DOCK4: variants seen among roughly 807,000 people sequenced by gnomAD.
DOCK4 encodes dedicator of cytokinesis 4.
In DOCK4, 97 loss-of-function variants were observed where a neutral mutation model predicts 268.1. The ratio of observed to expected loss-of-function variants is 0.36; its 90% CI spans 0.31 to 0.43. The LOEUF (loss-of-function observed/expected upper bound fraction) is 0.43. Ranked by LOEUF, DOCK4 falls within the 20% of genes least tolerant of loss-of-function variation. The pLI is 1.00. For missense variants in DOCK4, 2,145 were observed against 2,455.7 expected (o/e 0.87, Z 2.67); for synonymous variants, 954 against 887.2 (o/e 1.08, Z -1.34).
At chr7:112,181,816 T>C (rs1819072893) in intron 1 of DOCK4, among the ~76,000 whole-genome samples, 1 of 152,028 alleles carries the variant, frequency 6.6e-6, no homozygotes, top group Admixed American at 6.5e-5. Context: ...TCTCACAGAA[T>C]AAAGGAAAAT....
intron 8 of DOCK4, among the ~76,000 whole-genome samples, chr7:111,950,244 G>C (rs1241969949): frequency 6.6e-6 from 1 of 152,168 alleles, no homozygotes; most frequent in Admixed American, 6.6e-5. Flanking sequence ...TTGCATTCTG[G>C]CACATCTTCT....
chr7:111,969,433 T>TA (rs199647856), intron 8 of DOCK4, among the ~76,000 whole-genome samples: 1,620 of 134,700 alleles, frequency 0.012, 31 homozygotes, highest in African/African-American at 0.05. Context: ...TTTTTTCTAT[T>TA]AAAAAAACAA....
Position 111,737,008 on chromosome 7 carries a change from T to G in DOCK4, c.5233-19A>C. ...GCATCCTCTGCAAAGTTACAAGGGT[T>G]GATTTTTATGATGTGATATACGGGC... is the stretch of plus-strand genomic sequence containing the variant. On this transcript the variant is annotated intron_variant, in intron 49 of 52. Coordinates refer to ENST00000428084, the MANE Select transcript of DOCK4 (RefSeq NM_001363540.2). The G allele has an allele frequency of 6.3e-7, 1 of 1,592,316 alleles. No individual in the cohort carries two copies. The highest frequency in any genetic ancestry group is 1.1e-5 in the South Asian group (1 of 87,602).
In DOCK4 at chr7:111,739,184, TTGG is replaced by T. The variant is rs756509239; in HGVS notation, c.5179_5181del (p.Pro1727del). 2.5e-6 allele frequency: 4 copies of T among 1,614,010 alleles called. No homozygotes were observed. The highest frequency in any genetic ancestry group is 2.5e-6 in the Non-Finnish European group (3 of 1,179,896). On this transcript the variant is annotated inframe_deletion, in exon 49 of 53. Coordinates refer to ENST00000428084, the MANE Select transcript of DOCK4 (RefSeq NM_001363540.2). ...TAGATGGCACTGCATGGTCTCTCTC[TTGG>T]TGACAGGCAAGAGTTTTCTCGGGAA... is the stretch of plus-strand genomic sequence containing the variant.
intron 1 of DOCK4, among the ~76,000 whole-genome samples, chr7:112,064,063 T>C (rs1349226488): frequency 1.3e-5 from 2 of 152,154 alleles, no homozygotes; most frequent in East Asian, 3.9e-4. Flanking sequence ...AAATTAACTA[T>C]GTAAGGAACC....
chr7:112,199,018 T>A (rs777342736), intron 1 of DOCK4, among the ~76,000 whole-genome samples: 2 of 152,212 alleles, frequency 1.3e-5, no homozygotes, highest in Non-Finnish European at 2.9e-5. Flanking sequence ...ATTTATTTTG[T>A]CACATAAACT....
Position 111,868,277 on chromosome 7 carries a change from G to A in DOCK4, c.2110-123C>T, listed in dbSNP as rs1806137402. On this transcript the variant is annotated intron_variant, in intron 21 of 52. Coordinates refer to ENST00000428084, the MANE Select transcript of DOCK4 (RefSeq NM_001363540.2). ...TTACATTATTCATGTAGACACCAAG[G>A]CCTTGTGAGGCTTTTTTGAACAGTA... 9.4e-6 allele frequency: 6 copies of A among 634,986 alleles called. No individual in the cohort carries two copies. The South Asian group carries it at 1.9e-4, about 20-fold the overall frequency. The allele number at this position is 634,986 out of a possible 1,614,324, so 39.3% of individuals were successfully genotyped here. A position where few individuals can be genotyped will look rare whatever the true frequency, so the allele number is the denominator to read the frequency against.
chr7:111,852,441 A>T (rs1804653190), intron 23 of DOCK4, among the ~76,000 whole-genome samples: 1 of 152,090 alleles, frequency 6.6e-6, no homozygotes, highest in South Asian at 2.1e-4. Flanking sequence ...TTCTTTAAAC[A>T]GTAAGCCTCA....
chr7:111,977,900 G>A (rs148787929), intron 7 of DOCK4, among the ~76,000 whole-genome samples: 2 of 152,334 alleles, frequency 1.3e-5, no homozygotes, highest in African/African-American at 4.8e-5. Context: ...GCTAAGAATA[G>A]CATCTATGTC....
At position 111,747,247 on chromosome 7, in the gene DOCK4, C is replaced by A. The variant is rs191634733; in HGVS notation, c.4593+20G>T. On this transcript the variant is annotated intron_variant, in intron 43 of 52. Transcript: ENST00000428084. ...TCACAATTGAAAACTTTCTCTGAAA[C>A]AACAATACCTAATCCTTACCTCTTG... 6.3e-7 allele frequency: 1 copy of A among 1,598,500 alleles called. No homozygotes were observed. Among genetic ancestry groups the A allele is most frequent in the Non-Finnish European group, 8.5e-7 (1 of 1,172,616 alleles).
At chr7:112,014,135 TGTTGA>T (rs1467706597) in intron 1 of DOCK4, among the ~76,000 whole-genome samples, 5 of 152,218 alleles carry the variant, frequency 3.3e-5, no homozygotes, top group South Asian at 2.1e-4. Flanking sequence ...TTTGCACTGG[TGTTGA>T]GTTATTAAGT....
chr7:112,103,938 C>T (rs1810915711), intron 1 of DOCK4, among the ~76,000 whole-genome samples: 1 of 151,362 alleles, frequency 6.6e-6, no homozygotes, highest in Non-Finnish European at 1.5e-5. Context: ...AAGAATAATC[C>T]TCAATAATTT....
chr7:112,174,679 G>A (rs377039597), intron 1 of DOCK4, among the ~76,000 whole-genome samples: 1 of 151,948 alleles, frequency 6.6e-6, no homozygotes, highest in East Asian at 1.9e-4. Flanking sequence ...ACCACCTTAG[G>A]ATAATGCAAG....
chr7:112,055,630 G>A (rs1586730050), intron 1 of DOCK4, among the ~76,000 whole-genome samples: 6 of 152,176 alleles, frequency 3.9e-5, no homozygotes, highest in Admixed American at 3.9e-4. Context: ...CCCTAGGGCA[G>A]GGCGCGGTAG....
rs554632212 is a variant in DOCK4 at position 111,726,627 on chromosome 7, A to C, written c.*1647T>G. ...TAAACATAAATATTTAACATATATT[A>C]ATTTTTCCGACATTCAAAATTGTAA... On this transcript the variant is annotated 3_prime_UTR_variant, in exon 53 of 53. Coordinates refer to ENST00000428084, the MANE Select transcript of DOCK4 (RefSeq NM_001363540.2). 6.5e-6 allele frequency: 1 copy of C among 152,786 alleles called. No individual in the cohort carries two copies. Among genetic ancestry groups the C allele is most frequent in the African/African-American group, 2.4e-5 (1 of 41,586 alleles). 9.5% of individuals were successfully genotyped at this position (152,786 alleles called of 1,614,324 possible).
At chr7:112,173,630 T>G (rs1818261147) in intron 1 of DOCK4, among the ~76,000 whole-genome samples, 1 of 152,104 alleles carries the variant, frequency 6.6e-6, no homozygotes, top group South Asian at 2.1e-4. Flanking sequence ...AGGAATCATC[T>G]GCTCCCAAAG....
chr7:111,918,039 T>C (rs919516754), intron 12 of DOCK4, among the ~76,000 whole-genome samples: 9 of 152,204 alleles, frequency 5.9e-5, no homozygotes, highest in Non-Finnish European at 1.0e-4. Flanking sequence ...TTGCTTGTTT[T>C]TCAATAGAGT....
intron 1 of DOCK4, among the ~76,000 whole-genome samples, chr7:112,039,426 A>C (rs1411387280): frequency 2.7e-5 from 4 of 150,936 alleles, no homozygotes; most frequent in Non-Finnish European, 5.9e-5. Flanking sequence ...TCATTCTTCC[A>C]CTTTTTCCCT....
intron 1 of DOCK4, among the ~76,000 whole-genome samples, chr7:112,124,121 C>T (rs1813001116): frequency 6.6e-6 from 1 of 151,854 alleles, no homozygotes; most frequent in Admixed American, 6.6e-5. Flanking sequence ...AACTCCTGGT[C>T]TCAAGCGATA....
Sources: gnomAD v4.1 joint callset for allele counts (sites outside exome capture counted in the v4.1 genomes callset) on GRCh38, gnomAD v4.1.1 for gene constraint, MANE v1.5 for transcripts, NCBI Gene and HGNC (gene_info 2026-07-23, HGNC 2026-07-21) for gene names.